UNC13B: variants seen among roughly 807,000 people sequenced by gnomAD.
UNC13B encodes protein unc-13 homolog B.
Under a neutral mutation model 211.0 loss-of-function variants are expected in UNC13B, and 144 were observed. That is an observed-to-expected ratio of 0.68 (90% CI 0.60 to 0.78). The LOEUF is 0.78. UNC13B is among the 30% of genes least tolerant of loss of function. UNC13B has a pLI of 0.00. For synonymous variants in UNC13B, 709 were observed against 725.8 expected, an observed-to-expected ratio of 0.98 and a Z score of 0.37; for missense variants, 1,777 against 2,002.0, an observed-to-expected ratio of 0.89 and a Z score of 2.14.
intron 7 of UNC13B, among the ~76,000 whole-genome samples, chr9:35,261,860 G>C (rs1414378660): frequency 2.0e-5 from 3 of 152,116 alleles, no homozygotes; most frequent in Admixed American, 6.5e-5. Flanking sequence ...ACAAACGAGT[G>C]AGAACATGTG....
rs1251595804 is a variant in UNC13B at position 35,389,891 on chromosome 9, C to T, written c.11140C>T (p.Leu3714=). ...GGAACAAGGGCCCAGCATTCGGAAC[C>T]TGGATTTCTGGCCCAAGCTCATCAC... The part of the protein sequence containing the change: ...PEEQGPSIRN[L]DFWPKLITLI... The change falls in exon 25 of 40, where the codon CTG becomes TTG. Residue 3714 remains leucine, a synonymous_variant. Transcript: ENST00000635942. 2.5e-6 allele frequency: 4 copies of T among 1,614,160 alleles called. No individual in the cohort carries two copies. The East Asian group carries it at 8.9e-5, about 36-fold the overall frequency.
At chr9:35,232,097 G>A (rs1473572409) in intron 3 of UNC13B, among the ~76,000 whole-genome samples, 1 of 150,566 alleles carries the variant, frequency 6.6e-6, no homozygotes, top group Non-Finnish European at 1.5e-5. Flanking sequence ...GTTTTATAGT[G>A]CAGCTCAGAG....
chr9:35,276,742 T>C (rs1828199296), intron 7 of UNC13B, among the ~76,000 whole-genome samples: 1 of 152,222 alleles, frequency 6.6e-6, no homozygotes, highest in Non-Finnish European at 1.5e-5. Flanking sequence ...ATAACTAGTC[T>C]TCACAGTTTC....
chr9:35,168,379 T>A (rs1194228175), intron 1 of UNC13B, among the ~76,000 whole-genome samples: 3 of 152,186 alleles, frequency 2.0e-5, no homozygotes, highest in Non-Finnish European at 2.9e-5. Context: ...ATAGGTAGTT[T>A]TCAGTCCTTA....
chr9:35,342,283 A>C, intron 11 of UNC13B: 3 of 985,628 alleles, frequency 3.0e-6, no homozygotes, highest in Non-Finnish European at 3.6e-6. Context: ...AAAACTTGAG[A>C]ATTCATGGTT....
chr9:35,259,452 G>A (rs1373901801), intron 7 of UNC13B, among the ~76,000 whole-genome samples: 3 of 151,914 alleles, frequency 2.0e-5, no homozygotes, highest in Non-Finnish European at 4.4e-5. Flanking sequence ...ATTTTACTGT[G>A]TGCACATCCA....
At chr9:35,342,034 A>T (rs1033735015) in intron 11 of UNC13B, 9 of 985,348 alleles carry the variant, frequency 9.1e-6, no homozygotes, top group Non-Finnish European at 1.1e-5. Flanking sequence ...GTTTGCAGCC[A>T]GTGAGACTCC....
intron 24 of UNC13B, among the ~76,000 whole-genome samples, chr9:35,387,371 T>G (rs1228453445): frequency 6.6e-6 from 1 of 152,172 alleles, no homozygotes; most frequent in Non-Finnish European, 1.5e-5. Context: ...AAGACTAAGA[T>G]CTTGTTCCTA....
intron 7 of UNC13B, among the ~76,000 whole-genome samples, chr9:35,261,492 A>G (rs1296434417): frequency 6.6e-6 from 1 of 151,970 alleles, no homozygotes; most frequent in African/African-American, 2.4e-5. Flanking sequence ...TTTAATTTTT[A>G]TGGGTACATA....
intron 10 of UNC13B, 142 bp downstream of exon 10, chr9:35,310,923 C>A: frequency 1.3e-6 from 1 of 753,360 alleles, no homozygotes; most frequent in Non-Finnish European, 2.1e-6. Flanking sequence ...CTCTGTATTG[C>A]TTCCTTTGAT....
At chr9:35,197,329 T>C (rs1311752046) in intron 1 of UNC13B, among the ~76,000 whole-genome samples, 1 of 152,096 alleles carries the variant, frequency 6.6e-6, no homozygotes, top group Admixed American at 6.6e-5. Flanking sequence ...CACCTCAGTC[T>C]CCTGAGTAGC....
intron 1 of UNC13B, among the ~76,000 whole-genome samples, chr9:35,219,617 CAA>C (rs576502502): frequency 3.7e-4 from 24 of 65,386 alleles, no homozygotes; most frequent in Admixed American, 4.9e-4. Flanking sequence ...ACCCTGTGTC[CAA>C]AAAAAAAAAA....
chr9:35,375,178 A>G lies in UNC13B; in HGVS notation c.9592A>G (p.Thr3198Ala). The G allele has an allele frequency of 6.2e-7, 1 of 1,614,136 alleles. No individual in the cohort carries two copies. The highest frequency in any genetic ancestry group is 8.5e-7 in the Non-Finnish European group (1 of 1,179,976). ...AGITSAMATRTSLKDEELKSH... is the reference protein window; with the variant it reads ...AGITSAMATRASLKDEELKSH... ...AATCACTTCTGCAATGGCTACACGC[A>G]CTTCTCTTAAGGACGAAGAGCTGGT... The change falls in exon 14 of 40, where the codon ACT becomes GCT. Residue 3198 changes from threonine (T) to alanine (A), a missense_variant. Physicochemically the swap from Thr to Ala is moderately conservative, Grantham distance 58. Coordinates refer to ENST00000635942, the MANE Select transcript of UNC13B (RefSeq NM_001371189.2).
chr9:35,318,423 C>T (rs1587610040), intron 11 of UNC13B, among the ~76,000 whole-genome samples: 1 of 152,150 alleles, frequency 6.6e-6, no homozygotes, highest in Non-Finnish European at 1.5e-5. Flanking sequence ...ACTCCTTCAC[C>T]CTCCACTCAA....
At chr9:35,249,376 T>G (rs1044940857) in intron 6 of UNC13B, among the ~76,000 whole-genome samples, 2 of 152,138 alleles carry the variant, frequency 1.3e-5, no homozygotes, top group Non-Finnish European at 2.9e-5. Flanking sequence ...ATATTGTTAC[T>G]TGTGAATTTG....
chr9:35,198,657 TGAGG>T, intron 1 of UNC13B, among the ~76,000 whole-genome samples: 1 of 152,004 alleles, frequency 6.6e-6, no homozygotes, highest in Middle Eastern at 3.4e-3. Context: ...GATAGAAGGA[TGAGG>T]GAAAAATTGG....
chr9:35,360,083 T>C (rs768956746), intron 11 of UNC13B, among the ~76,000 whole-genome samples: 2 of 152,218 alleles, frequency 1.3e-5, no homozygotes, highest in Non-Finnish European at 2.9e-5. Flanking sequence ...CGAAAATACT[T>C]TTTCCCAGAA....
chr9:35,294,409 C>T (rs1401691643), intron 7 of UNC13B, among the ~76,000 whole-genome samples: 1 of 151,940 alleles, frequency 6.6e-6, no homozygotes. Flanking sequence ...TGGGTTCAAG[C>T]GATTCTTCCG....
intron 7 of UNC13B, among the ~76,000 whole-genome samples, chr9:35,289,204 C>G (rs1342518299): frequency 6.6e-6 from 1 of 152,110 alleles, no homozygotes; most frequent in East Asian, 1.9e-4. Flanking sequence ...GATTAGTAGT[C>G]CCGTATGCCC....
Sources: gnomAD v4.1 joint callset for allele counts (sites outside exome capture counted in the v4.1 genomes callset) on GRCh38, gnomAD v4.1.1 for gene constraint, MANE v1.5 for transcripts, NCBI Gene and HGNC (gene_info 2026-07-23, HGNC 2026-07-21) for gene names.